Variants in DLGAP1 observed in about 807,000 individuals in gnomAD.
DLGAP1 encodes the protein DLG associated protein 1.
Under a neutral mutation model 90.8 loss-of-function variants are expected in DLGAP1, and 11 were observed. That is an observed-to-expected ratio of 0.12 (90% CI 0.08 to 0.20). DLGAP1 has a LOEUF of 0.20. Among genes scored for constraint, DLGAP1 ranks in the 10% least tolerant of loss-of-function variants. The probability of loss-of-function intolerance (pLI) is 1.00; values close to 1 mark genes in which losing one functional copy is unlikely to be tolerated. For missense variants in DLGAP1, 1,050 were observed against 1,333.8 expected (o/e 0.79, Z 3.31); for synonymous variants, 558 against 540.7 (o/e 1.03, Z -0.44).
At chr18:4,274,371 A>G (rs2145380253) in intron 1 of DLGAP1, among the ~76,000 whole-genome samples, 1 of 152,238 alleles carries the variant, frequency 6.6e-6, no homozygotes, top group African/African-American at 2.4e-5. Context: ...TGGTCAGAAA[A>G]TGTACTTTGT....
At chr18:3,640,678 CAA>C (rs767192338) in intron 7 of DLGAP1, among the ~76,000 whole-genome samples, 4 of 152,194 alleles carry the variant, frequency 2.6e-5, no homozygotes, top group Non-Finnish European at 5.9e-5. Context: ...AGCTGAGGGC[CAA>C]AGACGTGATG....
At chr18:3,873,741 C>T (rs182406913) in intron 4 of DLGAP1, among the ~76,000 whole-genome samples, 1 of 152,170 alleles carries the variant, frequency 6.6e-6, no homozygotes, top group Admixed American at 6.5e-5. Context: ...TTGTGTGGTA[C>T]CTTATTTAAG....
intron 12 of DLGAP1, among the ~76,000 whole-genome samples, chr18:3,501,952 A>G (rs1157629474): frequency 2.2e-5 from 2 of 89,656 alleles, no homozygotes; most frequent in Non-Finnish European, 3.0e-5. Context: ...CTGTTTTGAA[A>G]AAAAAAAAAA....
At chr18:3,588,911 G>A (rs140854595) in intron 7 of DLGAP1, among the ~76,000 whole-genome samples, 147 of 152,328 alleles carry the variant, frequency 9.7e-4, no homozygotes, top group African/African-American at 3.4e-3. Context: ...GGCCAGGCGC[G>A]GTGGCTTATG....
chr18:4,406,967 G>T (rs1003981504), intron 1 of DLGAP1, among the ~76,000 whole-genome samples: 2 of 152,164 alleles, frequency 1.3e-5, no homozygotes, highest in African/African-American at 4.8e-5. Context: ...TCACTCAAAA[G>T]AAGTTGATGA....
At chr18:3,752,518 C>A (rs2063541913) in intron 5 of DLGAP1, among the ~76,000 whole-genome samples, 1 of 140,750 alleles carries the variant, frequency 7.1e-6, no homozygotes, top group African/African-American at 2.6e-5. Flanking sequence ...TCTCTCCCTC[C>A]CTCCCTCCCT....
chr18:3,518,403 A>C (rs926825723), intron 10 of DLGAP1, among the ~76,000 whole-genome samples: 2 of 152,212 alleles, frequency 1.3e-5, no homozygotes, highest in African/African-American at 4.8e-5. Context: ...TAATGAAAAC[A>C]CTTGAAATAT....
chr18:3,667,357 G>T (rs1283670127), intron 7 of DLGAP1, among the ~76,000 whole-genome samples: 2 of 152,106 alleles, frequency 1.3e-5, no homozygotes, highest in Non-Finnish European at 2.9e-5. Context: ...AATATTGACT[G>T]TGCTGCTTAC....
intron 7 of DLGAP1, among the ~76,000 whole-genome samples, chr18:3,675,598 G>C (rs906355390): frequency 3.9e-5 from 6 of 152,058 alleles, no homozygotes; most frequent in African/African-American, 1.4e-4. Context: ...TTTGTTTCCC[G>C]CATTCCTATC....
At chr18:4,435,943 C>T (rs150446366) in intron 1 of DLGAP1, among the ~76,000 whole-genome samples, 48 of 152,234 alleles carry the variant, frequency 3.2e-4, no homozygotes, top group African/African-American at 9.6e-4. Context: ...GATGCGCACA[C>T]AGGTGTCACA....
At chr18:4,219,023 CTTTG>C (rs1410843425) in intron 1 of DLGAP1, among the ~76,000 whole-genome samples, 4 of 79,994 alleles carry the variant, frequency 5.0e-5, no homozygotes, top group African/African-American at 1.0e-4. Flanking sequence ...CTAGTTCTAT[CTTTG>C]TTTTTTTTTT....
chr18:3,902,315 G>C (rs992125426), intron 3 of DLGAP1, among the ~76,000 whole-genome samples: 2 of 151,858 alleles, frequency 1.3e-5, no homozygotes, highest in Non-Finnish European at 2.9e-5. Flanking sequence ...AAGTAATATC[G>C]AGTTGCTTTT....
chr18:3,512,654 G>A (rs187264687), intron 10 of DLGAP1, among the ~76,000 whole-genome samples: 5 of 152,218 alleles, frequency 3.3e-5, no homozygotes, highest in East Asian at 3.9e-4. Flanking sequence ...TTAGATCCTC[G>A]CAGGACCCTG....
chr18:4,011,505 G>A (rs1426421983), intron 2 of DLGAP1, among the ~76,000 whole-genome samples: 3 of 151,868 alleles, frequency 2.0e-5, no homozygotes, highest in South Asian at 2.1e-4. Flanking sequence ...AGAATGTGGC[G>A]GTGGAGAGGG....
At chr18:4,372,171 C>G (rs1250327772) in intron 1 of DLGAP1, among the ~76,000 whole-genome samples, 1 of 152,172 alleles carries the variant, frequency 6.6e-6, no homozygotes, top group Non-Finnish European at 1.5e-5. Context: ...TCTTGAGAAA[C>G]TTTGGCTTGC....
intron 3 of DLGAP1, among the ~76,000 whole-genome samples, chr18:3,957,377 T>A (rs1163293251): frequency 6.6e-6 from 1 of 152,166 alleles, no homozygotes; most frequent in Non-Finnish European, 1.5e-5. Context: ...CAGTGAAACC[T>A]CTTTTGAATT....
intron 1 of DLGAP1, among the ~76,000 whole-genome samples, chr18:4,356,658 T>C (rs1160464151): frequency 1.3e-5 from 2 of 152,182 alleles, no homozygotes; most frequent in Non-Finnish European, 2.9e-5. Flanking sequence ...ATCTCTTGAC[T>C]GGATTCTTGA....
intron 8 of DLGAP1, chr18:3,580,303 C>T: frequency 6.2e-7 from 1 of 1,613,854 alleles, no homozygotes; most frequent in Non-Finnish European, 8.5e-7. Flanking sequence ...CTGTCTCTTC[C>T]ACCAAAAGGC....
At chr18:3,646,502 T>C (rs922901102) in intron 7 of DLGAP1, among the ~76,000 whole-genome samples, 6 of 152,234 alleles carry the variant, frequency 3.9e-5, no homozygotes, top group African/African-American at 1.4e-4. Context: ...CTAATCATTT[T>C]TCTTGAGTGG....
Sources: gnomAD v4.1 joint callset for allele counts (sites outside exome capture counted in the v4.1 genomes callset) on GRCh38, gnomAD v4.1.1 for gene constraint, MANE v1.5 for transcripts, NCBI Gene and HGNC (gene_info 2026-07-23, HGNC 2026-07-21) for gene names.